The following SAMD9L variants were observed in gnomAD, a reference collection of about 807,000 sequenced individuals.
The protein encoded by SAMD9L is sterile alpha motif domain-containing protein 9-like.
In SAMD9L, 68 loss-of-function variants were observed where a neutral mutation model predicts 90.7. The ratio of observed to expected loss-of-function variants is 0.75; its 90% CI spans 0.62 to 0.92. The LOEUF is 0.92. Ranked by LOEUF, SAMD9L falls within the 40% of genes least tolerant of loss-of-function variation. SAMD9L has a pLI of 0.00. For missense variants in SAMD9L, 1,604 were observed against 1,824.3 expected (o/e 0.88, Z 2.20); for synonymous variants, 640 against 630.1 (o/e 1.02, Z -0.23).
chr7:93,132,276 T>C lies in SAMD9L; in HGVS notation c.3696A>G (p.Leu1232=), dbSNP rs964450540. 1.2e-6 allele frequency: 2 copies of C among 1,613,690 alleles called. No individual in the cohort carries two copies. Among genetic ancestry groups the C allele is most frequent in the African/African-American group, 2.7e-5 (2 of 74,918 alleles). ...ELSKKHMVQF[L]SGKWTIPPDP... ...CAGGAGGAATGGTCCACTTTCCTGA[T>C]AAAAATTGCACCATATGTTTTTTGG... Residue 1232 remains leucine (L), a synonymous_variant, in exon 5 of 5, where the codon TTA becomes TTG. Coordinates refer to ENST00000318238, the MANE Select transcript of SAMD9L (RefSeq NM_152703.5).
Position 93,133,748 on chromosome 7 carries a change from GA to G in SAMD9L, c.2223del (p.His742IlefsTer17). The G allele has an allele frequency of 6.2e-7, 1 of 1,613,742 alleles. No homozygotes were observed. Among genetic ancestry groups the G allele is most frequent in the Non-Finnish European group, 8.5e-7 (1 of 1,179,852 alleles). ...AGTGTGGTACCTCCACAGCCTGGAT[GA>G]TGATAAAGATTGATGATTTTTGCAA... ...PIFAKIINLY[H>X]HPGCGGTTLA... is the part of the protein sequence containing the mutation. On this transcript the variant is annotated frameshift_variant, in exon 5 of 5. Coordinates refer to ENST00000318238, the MANE Select transcript of SAMD9L (RefSeq NM_152703.5). LOFTEE classifies it high-confidence loss of function.
chr7:93,143,164 C>T (rs1792758904), intron 4 of SAMD9L, among the ~76,000 whole-genome samples: 1 of 152,158 alleles, frequency 6.6e-6, no homozygotes, highest in South Asian at 2.1e-4. Context: ...TAGAAACACC[C>T]TTCTCAAATA....
chr7:93,136,094 T>A, intron 4 of SAMD9L, 103 bp from the exon 5 acceptor site: 1 of 742,460 alleles, frequency 1.3e-6, no homozygotes, highest in East Asian at 3.0e-5. Flanking sequence ...CATATATATA[T>A]GTATAATATT....
rs1010536613 is a variant in SAMD9L at position 93,133,037 on chromosome 7, A to T, written c.2935T>A (p.Tyr979Asn). 1.2e-6 allele frequency: 2 copies of T among 1,613,558 alleles called. No individual in the cohort carries two copies. Among genetic ancestry groups the T allele is most frequent in the Non-Finnish European group, 1.7e-6 (2 of 1,179,752 alleles). Residue 979 changes from tyrosine to asparagine, a missense_variant, in exon 5 of 5, where the codon TAT becomes AAT. Tyr to Asn is a moderately radical substitution (Grantham distance 143). Transcript: ENST00000318238. ...ATACGCACACCTGTGTATCTCCCAT[A>T]TTCTGCAACTTCTGTTTTTATTAGA... ...TLLIKTEVAE[Y>N]GRYTGVRIIH...
At position 93,135,241 on chromosome 7, in the gene SAMD9L, T is replaced by G. The variant is rs1390233178; in HGVS notation, c.731A>C (p.Lys244Thr). Residue 244 changes from lysine (K) to threonine (T), a missense_variant, in exon 5 of 5, where the codon AAA becomes ACA. Transcript: ENST00000318238. Reference sequence around the variant, plus strand: ...CACACCAACAATTTCTCCATGGGGTTTGTCCTTGACTCCAAAATGGATGGT... The same window carrying G: ...CACACCAACAATTTCTCCATGGGGTGTGTCCTTGACTCCAAAATGGATGGT... ...NGTIHFGVKD[K>T]PHGEIVGVKI... 1 of 1,614,004 alleles carries G rather than the reference T, an allele frequency of 6.2e-7. No homozygotes were observed. The highest frequency in any genetic ancestry group is 1.3e-5 in the African/African-American group (1 of 74,930).
intron 4 of SAMD9L, among the ~76,000 whole-genome samples, chr7:93,143,989 G>A (rs1792793689): frequency 6.6e-6 from 1 of 152,196 alleles, no homozygotes; most frequent in African/African-American, 2.4e-5. Context: ...TATAAAGGTG[G>A]AGGAGTTGTG....
At chr7:93,141,630 G>T (rs1413264588) in intron 4 of SAMD9L, among the ~76,000 whole-genome samples, 13 of 152,006 alleles carry the variant, frequency 8.6e-5, no homozygotes, top group Admixed American at 5.9e-4. Flanking sequence ...CACCTTCACA[G>T]TATATCCATA....
rs1584281088 is a variant in SAMD9L at position 93,134,663 on chromosome 7, C to A, written c.1309G>T (p.Glu437Ter). The A allele has an allele frequency of 6.2e-7, 1 of 1,613,830 alleles. No homozygotes were observed. Among genetic ancestry groups the A allele is most frequent in the Non-Finnish European group, 8.5e-7 (1 of 1,179,860 alleles). The stretch of plus-strand genomic sequence containing the variant: ...TCCAACACAGCAAACCATTTAATTT[C>A]TTTTAAAAAATCTAAGTGCTTTATT... ...NQIKHLDFLK[E>*]IKWFAVLEFD... Residue 437 changes from glutamate to a stop codon, truncating the protein, a stop_gained, in exon 5 of 5, where the codon GAA becomes TAA. Coordinates refer to ENST00000318238, the MANE Select transcript of SAMD9L (RefSeq NM_152703.5). LOFTEE classifies it low-confidence loss of function (END_TRUNC).
rs1205137082 is a variant in SAMD9L, at chr7:93,134,281, A to G, written c.1691T>C (p.Phe564Ser). ...TTTGAGAGCTTGATAGAAAGCCCAG[A>G]AAGTTTCAATGAGTGGATCTCCTGG... ...ESPGDPLIETFWAFYQALKGM... is the reference protein window; with the variant it reads ...ESPGDPLIETSWAFYQALKGM... Residue 564 changes from phenylalanine (F) to serine (S), a missense_variant, in exon 5 of 5, where the codon TTC (phenylalanine) becomes TCC (serine). By Grantham distance (155) the Phe-to-Ser change is radical. Transcript: ENST00000318238. 1.2e-6 allele frequency: 2 copies of G among 1,613,584 alleles called. No individual in the cohort carries two copies. Among genetic ancestry groups the G allele is most frequent in the Admixed American group, 3.3e-5 (2 of 59,932 alleles).
Position 93,134,293 on chromosome 7 carries a change from A to G in SAMD9L, c.1679T>C (p.Leu560Pro). 2 of 1,613,340 alleles carry G rather than the reference A, an allele frequency of 1.2e-6. No homozygotes were observed. Among genetic ancestry groups the G allele is most frequent in the African/African-American group, 1.3e-5 (1 of 74,968 alleles). ...ATAGAAAGCCCAGAAAGTTTCAATG[A>G]GTGGATCTCCTGGGCTTTCCACTGA... ...LSSVESPGDP[L>P]IETFWAFYQA... Residue 560 changes from leucine to proline, a missense_variant, in exon 5 of 5, where the codon CTC (leucine) becomes CCC (proline). Transcript: ENST00000318238.
Position 93,135,076 on chromosome 7 carries a change from G to A in SAMD9L, c.896C>T (p.Pro299Leu). The A allele has an allele frequency of 6.2e-7, 1 of 1,612,956 alleles. No homozygotes were observed. Among genetic ancestry groups the A allele is most frequent in the Non-Finnish European group, 8.5e-7 (1 of 1,179,680 alleles). The change falls in exon 5 of 5, where the codon CCA (proline) becomes CTA (leucine). Residue 299 changes from proline to leucine, a missense_variant. Physicochemically the swap from Pro to Leu is moderately conservative, Grantham distance 98. This residue lies in a region of SAMD9L where 374 missense variants were observed against 363.6 expected (regional missense o/e 1.03). Coordinates refer to ENST00000318238, the MANE Select transcript of SAMD9L (RefSeq NM_152703.5). ...AACTTCAATGACAAATCTGTCAGAT[G>A]GTGTATTGTTCTGCAGAAGGACTTC... ...FVEVLLQNNT[P>L]SDRFVIEVDT...
chr7:93,144,107 C>T (rs1277304046), intron 4 of SAMD9L, among the ~76,000 whole-genome samples: 1 of 152,166 alleles, frequency 6.6e-6, no homozygotes, highest in South Asian at 2.1e-4. Flanking sequence ...TTAGCTATTG[C>T]TTGTTTTTGT....
chr7:93,132,098 A>G lies in SAMD9L; in HGVS notation c.3874T>C (p.Leu1292=). The change falls in exon 5 of 5, where the codon TTA becomes CTA. Residue 1292 remains leucine (L), a synonymous_variant. Coordinates refer to ENST00000318238, the MANE Select transcript of SAMD9L (RefSeq NM_152703.5). ...AAACAACGACTGACTTTCTTGCTTA[A>G]CATGATTTCTGCAATTTCTTTTTGG... The part of the protein sequence containing the change: ...YTQKEIAEIM[L]SKKVSRCFRK... 6.2e-7 allele frequency: 1 copy of G among 1,613,678 alleles called. No homozygotes were observed. Among genetic ancestry groups the G allele is most frequent in the Non-Finnish European group, 8.5e-7 (1 of 1,179,854 alleles).
In SAMD9L at chr7:93,135,067, C is replaced by T. The variant is rs768125500; in HGVS notation, c.905G>A (p.Arg302Lys). Residue 302 changes from arginine (R) to lysine (K), a missense_variant, in exon 5 of 5, where the codon AGA (arginine) becomes AAA (lysine). Physicochemically the swap from Arg to Lys is conservative, Grantham distance 26 (BLOSUM62 2). This residue lies in a region of SAMD9L where 374 missense variants were observed against 363.6 expected (regional missense o/e 1.03). Coordinates refer to ENST00000318238, the MANE Select transcript of SAMD9L (RefSeq NM_152703.5). ...AATAGTATCAACTTCAATGACAAAT[C>T]TGTCAGATGGTGTATTGTTCTGCAG... is the stretch of plus-strand genomic sequence containing the variant. Reference protein sequence around the residue: ...VLLQNNTPSDRFVIEVDTIPK... With the variant: ...VLLQNNTPSDKFVIEVDTIPK... 1 of 1,613,136 alleles carries T rather than the reference C, an allele frequency of 6.2e-7. No homozygotes were observed. The highest frequency in any genetic ancestry group is 8.5e-7 in the Non-Finnish European group (1 of 1,179,672).
Position 93,133,882 on chromosome 7 carries a change from T to C in SAMD9L, c.2090A>G (p.Asn697Ser). ...ATAGTTTTCAGAAGAAAAATAGAAG[T>C]TCCACCAGGATACTTTGCCACCTCG... ...FYRGGKVSWW[N>S]FYFSSENYSS... Residue 697 changes from asparagine to serine, a missense_variant, in exon 5 of 5, where the codon AAC becomes AGC. Physicochemically the swap from Asn to Ser is conservative, Grantham distance 46 (BLOSUM62 1). This residue lies in a region of SAMD9L where 606 missense variants were observed against 717.6 expected (regional missense o/e 0.84). Transcript: ENST00000318238. 1 of 1,613,590 alleles carries C rather than the reference T, an allele frequency of 6.2e-7. No homozygotes were observed.
rs763724281 is a variant in SAMD9L, at chr7:93,135,098, C to T, written c.874G>A (p.Val292Ile). 13 of 1,612,734 alleles carry T rather than the reference C, an allele frequency of 8.1e-6. No homozygotes were observed. In the Admixed American group the frequency reaches 1.8e-4, roughly 23 times the overall value. The change falls in exon 5 of 5, where the codon GTC becomes ATC. Residue 292 changes from valine (V) to isoleucine (I), a missense_variant. Around this residue, in one of 7 missense-constraint regions of SAMD9L, gnomAD observed 374 missense variants for 363.6 expected, o/e 1.03. Coordinates refer to ENST00000318238, the MANE Select transcript of SAMD9L (RefSeq NM_152703.5). ...KCIREPRFVE[V>I]LLQNNTPSDR... is the part of the protein sequence containing the mutation. ...GATGGTGTATTGTTCTGCAGAAGGA[C>T]TTCCACAAACCTTGGCTCCCGAATA...
At chr7:93,144,018 C>T (rs922573387) in intron 4 of SAMD9L, among the ~76,000 whole-genome samples, 2 of 152,152 alleles carry the variant, frequency 1.3e-5, no homozygotes, top group Non-Finnish European at 2.9e-5. Context: ...AATGATGTCA[C>T]GATTAAATTA....
intron 4 of SAMD9L, among the ~76,000 whole-genome samples, chr7:93,141,516 T>A (rs149533845): frequency 6.6e-6 from 1 of 152,206 alleles, no homozygotes; most frequent in East Asian, 1.9e-4. Flanking sequence ...CCTCCTACAG[T>A]CTTATCAGTT....
intron 4 of SAMD9L, among the ~76,000 whole-genome samples, chr7:93,141,123 CTT>C (rs1792672127): frequency 6.6e-6 from 1 of 152,212 alleles, no homozygotes; most frequent in Non-Finnish European, 1.5e-5. Flanking sequence ...TGATTGCTCT[CTT>C]TTCCTTGGAT....
Sources: gnomAD v4.1 joint callset for allele counts (sites outside exome capture counted in the v4.1 genomes callset) on GRCh38, gnomAD v4.1.1 for gene constraint, gnomAD v4.1.1 regional missense constraint, MANE v1.5 for transcripts, NCBI Gene and HGNC (gene_info 2026-07-23, HGNC 2026-07-21) for gene names.